The following RAVER2 variants were observed in gnomAD, a reference collection of about 807,000 sequenced individuals.
The protein encoded by RAVER2 is ribonucleoprotein PTB-binding 2.
In RAVER2, 46 loss-of-function variants were observed where a neutral mutation model predicts 78.1. The observed-to-expected ratio is 0.59, with a 90% CI of 0.46 to 0.75. The LOEUF (loss-of-function observed/expected upper bound fraction) is 0.75. Among genes scored for constraint, RAVER2 ranks in the 30% least tolerant of loss-of-function variants. The probability of loss-of-function intolerance (pLI) is 0.00; values close to 1 mark genes in which losing one functional copy is unlikely to be tolerated. For synonymous variants in RAVER2, 311 were observed against 313.3 expected, an observed-to-expected ratio of 0.99 and a Z score of 0.08; for missense variants, 793 against 837.5, an observed-to-expected ratio of 0.95 and a Z score of 0.66.
At chr1:64,767,108 A>G (rs1420537909) in intron 1 of RAVER2, among the ~76,000 whole-genome samples, 1 of 152,046 alleles carries the variant, frequency 6.6e-6, no homozygotes, top group Non-Finnish European at 1.5e-5. Flanking sequence ...ATCATAGAGG[A>G]TTACCTTTTT....
intron 2 of RAVER2, among the ~76,000 whole-genome samples, chr1:64,769,700 A>G (rs1186964681): frequency 1.3e-5 from 2 of 152,010 alleles, no homozygotes; most frequent in African/African-American, 4.8e-5. Context: ...ACCTCTTTCA[A>G]CCTAGGTCTC....
chr1:64,776,385 T>A (rs975471291), intron 2 of RAVER2, among the ~76,000 whole-genome samples: 50 of 152,320 alleles, frequency 3.3e-4, no homozygotes, highest in African/African-American at 1.2e-3. Flanking sequence ...ATGTGTTAAA[T>A]GAAAAATGTG....
At chr1:64,810,005 G>A (rs1653560713) in intron 9 of RAVER2, among the ~76,000 whole-genome samples, 1 of 152,150 alleles carries the variant, frequency 6.6e-6, no homozygotes, top group Admixed American at 6.6e-5. Flanking sequence ...GGACATGTGG[G>A]TTGTTTCTAC....
intron 11 of RAVER2, among the ~76,000 whole-genome samples, chr1:64,821,097 A>G (rs1653877892): frequency 6.6e-6 from 1 of 152,052 alleles, no homozygotes; most frequent in African/African-American, 2.4e-5. Flanking sequence ...ATAACGGCCA[A>G]TTCTGATTGG....
intron 1 of RAVER2, among the ~76,000 whole-genome samples, chr1:64,760,135 C>G (rs954504585): frequency 6.7e-6 from 1 of 149,870 alleles, no homozygotes; most frequent in Non-Finnish European, 1.5e-5. Context: ...TGTGGAAACA[C>G]AGATATCTAA....
At chr1:64,758,730 C>T (rs775266862) in intron 1 of RAVER2, among the ~76,000 whole-genome samples, 1 of 152,026 alleles carries the variant, frequency 6.6e-6, no homozygotes, top group Admixed American at 6.6e-5. Flanking sequence ...TTGATTTGGC[C>T]TTGGGAGACC....
intron 5 of RAVER2, among the ~76,000 whole-genome samples, chr1:64,801,388 T>C (rs1273871005): frequency 2.6e-5 from 4 of 151,770 alleles, no homozygotes; most frequent in African/African-American, 9.7e-5. Flanking sequence ...CGTGAGCCAC[T>C]GCACCCAGCC....
exon 7 of RAVER2, chr1:64,804,780 C>T (rs1469865854): frequency 5.8e-6 from 9 of 1,549,134 alleles, no homozygotes; most frequent in Non-Finnish European, 7.1e-6. Context: ...CAGAATCTTT[C>T]TCATATACCA....
At chr1:64,807,304 C>T (rs948891385) in exon 9 of RAVER2, 2 of 1,613,940 alleles carry the variant, frequency 1.2e-6, no homozygotes, top group African/African-American at 2.7e-5. Flanking sequence ...TGGGCCAGGG[C>T]ACAGTAATAC....
At chr1:64,796,470 CTTG>C (rs1453827586) in intron 5 of RAVER2, among the ~76,000 whole-genome samples, 3 of 152,038 alleles carry the variant, frequency 2.0e-5, no homozygotes, top group Non-Finnish European at 4.4e-5. Flanking sequence ...ATTTCAGGAT[CTTG>C]TTCTTCTTAA....
intron 4 of RAVER2, among the ~76,000 whole-genome samples, chr1:64,783,079 C>T (rs1012464115): frequency 5.9e-5 from 9 of 152,156 alleles, no homozygotes; most frequent in South Asian, 2.1e-4. Context: ...TTTATGGCTG[C>T]GTAGTATTCC....
intron 11 of RAVER2, among the ~76,000 whole-genome samples, chr1:64,823,658 A>G (rs1653938168): frequency 6.6e-6 from 1 of 152,198 alleles, no homozygotes; most frequent in Non-Finnish European, 1.5e-5. Flanking sequence ...TAATCAGTCA[A>G]AGACAAAACA....
intron 5 of RAVER2, among the ~76,000 whole-genome samples, chr1:64,801,225 A>G (rs1169580849): frequency 6.6e-6 from 1 of 151,510 alleles, no homozygotes; most frequent in East Asian, 1.9e-4. Context: ...CTGCCTCCCA[A>G]GTAGCTGGGA....
At chr1:64,804,488 C>A (rs989207274) in intron 6 of RAVER2, among the ~76,000 whole-genome samples, 1 of 151,888 alleles carries the variant, frequency 6.6e-6, no homozygotes, top group South Asian at 2.1e-4. Context: ...GTCATTGAAA[C>A]CAAAAAGGGT....
At chr1:64,800,840 G>A (rs12032541) in intron 5 of RAVER2, among the ~76,000 whole-genome samples, 29,906 of 151,916 alleles carry the variant, frequency 0.2, 3,157 homozygotes, top group East Asian at 0.28. Flanking sequence ...ATAGTTTCCT[G>A]TGATTATCTC....
At chr1:64,779,505 A>T (rs1050230289) in intron 3 of RAVER2, among the ~76,000 whole-genome samples, 5 of 151,470 alleles carry the variant, frequency 3.3e-5, no homozygotes, top group Admixed American at 2.6e-4. Context: ...AGTAGCTAGG[A>T]CTACAAGTCC....
At chr1:64,789,058 G>A (rs542179290) in intron 4 of RAVER2, among the ~76,000 whole-genome samples, 1 of 152,016 alleles carries the variant, frequency 6.6e-6, no homozygotes, top group Non-Finnish European at 1.5e-5. Flanking sequence ...TAGTATCAAA[G>A]TATCCATATT....
At chr1:64,765,525 C>A (rs1017821891) in intron 1 of RAVER2, among the ~76,000 whole-genome samples, 5 of 151,982 alleles carry the variant, frequency 3.3e-5, no homozygotes, top group African/African-American at 4.8e-5. Flanking sequence ...TAGCATAATA[C>A]CAATTTTATA....
At chr1:64,790,603 G>A (rs1261314185) in intron 5 of RAVER2, among the ~76,000 whole-genome samples, 1 of 152,140 alleles carries the variant, frequency 6.6e-6, no homozygotes, top group Non-Finnish European at 1.5e-5. Flanking sequence ...AAGATCTACA[G>A]TAAGAATGTA....
Sources: gnomAD v4.1 joint callset for allele counts (sites outside exome capture counted in the v4.1 genomes callset) on GRCh38, gnomAD v4.1.1 for gene constraint, MANE v1.5 for transcripts, NCBI Gene and HGNC (gene_info 2026-07-23, HGNC 2026-07-21) for gene names.